Variants in SCEL observed in about 807,000 individuals in gnomAD.
SCEL encodes sciellin.
In SCEL, 113 loss-of-function variants were observed where a neutral mutation model predicts 117.6. That is an observed-to-expected ratio of 0.96 (90% CI 0.83 to 1.12). SCEL has a LOEUF of 1.12. Ranked by LOEUF, SCEL falls within the 50% of genes most tolerant of loss-of-function variation. The pLI is 0.00. For missense variants in SCEL, 785 were observed against 810.8 expected, an observed-to-expected ratio of 0.97 and a Z score of 0.39; for synonymous variants, 270 against 256.2, an observed-to-expected ratio of 1.05 and a Z score of -0.51.
At position 77,544,796 on chromosome 13, in the gene SCEL, T is replaced by C. The variant is rs186031587; in HGVS notation, c.-20+8972T>C. Among the ~76,000 whole-genome samples, 546 of 152,292 alleles carry C rather than the reference T, an allele frequency of 3.6e-3. 1 individual carries two copies. The highest frequency in any genetic ancestry group is 5.6e-3 in the Non-Finnish European group (378 of 68,010). ...AATAGGAGATGCTGATAGTTTCAAA[T>C]GCATACAAAAAGAGCTACGAAAGTT... On this transcript the variant is annotated intron_variant, in intron 1 of 32. Transcript: ENST00000349847.
chr13:77,604,510 C>A (rs1377281282), intron 19 of SCEL, 95 bp downstream of exon 19: 6 of 946,422 alleles, frequency 6.3e-6, no homozygotes, highest in Non-Finnish European at 9.2e-6. Flanking sequence ...AATTGGAATT[C>A]AGGCCAAAAC....
At chr13:77,613,070 A>G in intron 23 of SCEL, 129 bp downstream of exon 23, 1 of 591,548 alleles carries the variant, frequency 1.7e-6, no homozygotes, top group Non-Finnish European at 3.0e-6. Context: ...GTTGATGTGT[A>G]ATAATGCTGG....
At chr13:77,579,072 TA>T (rs1378981264) in intron 9 of SCEL, among the ~76,000 whole-genome samples, 3 of 152,128 alleles carry the variant, frequency 2.0e-5, no homozygotes, top group African/African-American at 7.2e-5. Context: ...GAGAGGTAGG[TA>T]GGGTGAAGGC....
chr13:77,559,510 AAACACAACACAACACAACAC>A (rs5804911), intron 3 of SCEL, among the ~76,000 whole-genome samples: 1 of 151,174 alleles, frequency 6.6e-6, no homozygotes, highest in Non-Finnish European at 1.5e-5. Flanking sequence ...CAGTCTGATA[AAACACAACACAACACAACAC>A]AACACAACAC....
chr13:77,601,126 T>TC (rs967111804), intron 15 of SCEL, among the ~76,000 whole-genome samples: 1 of 152,014 alleles, frequency 6.6e-6, no homozygotes, highest in African/African-American at 2.4e-5. Flanking sequence ...TTTTTTTTTT[T>TC]TTTGTACATG....
chr13:77,639,911 G>A (rs9593247), intron 30 of SCEL, among the ~76,000 whole-genome samples: 76,583 of 151,920 alleles, frequency 0.5, 20,832 homozygotes, highest in Non-Finnish European at 0.61. Flanking sequence ...AAAAGGAAAA[G>A]GATCCTTTCT....
chr13:77,601,173 A>G (rs1240887412), intron 15 of SCEL, among the ~76,000 whole-genome samples: 1 of 150,712 alleles, frequency 6.6e-6, no homozygotes, highest in Non-Finnish European at 1.5e-5. Flanking sequence ...GAGGTTCCAG[A>G]TATTTTTCAA....
Position 77,604,415 on chromosome 13 carries a change from G to A in SCEL, c.1157G>A (p.Arg386Lys), listed in dbSNP as rs2274016. 0.097 allele frequency: 151,618 copies of A among 1,570,148 alleles called. 13,245 individuals are homozygous for A. The highest frequency in any genetic ancestry group is 0.54 in the East Asian group (23,118 of 42,674). Residue 386 changes from arginine to lysine, a missense_variant and splice_region_variant, in exon 19 of 33, where the codon AGG becomes AAG. Physicochemically the swap from Arg to Lys is conservative, Grantham distance 26. Coordinates refer to ENST00000349847, the MANE Select transcript of SCEL (RefSeq NM_144777.3). The stretch of plus-strand genomic sequence containing the variant: ...CCTGAAACAAATAAAAATATTACGA[G>A]GTAAGACATTTAAAGCTCCCCCCTC... ...VDPETNKNIT[R>K]GQSLDNLIKV...
rs537252479 is a variant in SCEL, at chr13:77,643,487, C to T, written c.2050+679C>T. ...TGACTGGTTTTTAAAAGCTACTATC[C>T]GCATTTTCCTTTTAGATTCAATAGT... On this transcript the variant is annotated intron_variant, in intron 32 of 32. Coordinates refer to ENST00000349847, the MANE Select transcript of SCEL (RefSeq NM_144777.3). 1.4e-4 allele frequency among the ~76,000 whole-genome samples: 21 copies of T among 152,118 alleles called. No homozygotes were observed. In the South Asian group the frequency reaches 2.3e-3, roughly 17 times the overall value.
chr13:77,599,338 T>A lies in SCEL; in HGVS notation c.807T>A (p.Gly269=), dbSNP rs755070308. Residue 269 remains glycine, a synonymous_variant, in exon 14 of 33, where the codon GGT becomes GGA. Coordinates refer to ENST00000349847, the MANE Select transcript of SCEL (RefSeq NM_144777.3). ...KMNKSLNRNQ[G]LDSLFRANPK... is the part of the protein sequence containing the mutation. ...ATCAATACATTTAAAGGAATCAAGG[T>A]CTTGATAGTCTCTTCAGAGCAAATC... 1 of 1,610,790 alleles carries A rather than the reference T, an allele frequency of 6.2e-7. No individual in the cohort carries two copies. The highest frequency in any genetic ancestry group is 8.5e-7 in the Non-Finnish European group (1 of 1,178,104).
rs1218632684 is a variant in SCEL, at chr13:77,608,125, A to G, written c.1217+10A>G. On this transcript the variant is annotated intron_variant, in intron 20 of 32. Transcript: ENST00000349847. ...AGAGAAGTAACCAAGGGTGAGGACTATGTCTTACCTCTCTTCCTTCCCCTT... is the reference window on the plus strand; with the variant it reads ...AGAGAAGTAACCAAGGGTGAGGACTGTGTCTTACCTCTCTTCCTTCCCCTT... 2 of 1,599,324 alleles carry G rather than the reference A, an allele frequency of 1.3e-6. No individual in the cohort carries two copies. The highest frequency in any genetic ancestry group is 1.7e-5 in the Admixed American group (1 of 58,880).
At chr13:77,544,313 T>C (rs1188045385) in intron 1 of SCEL, among the ~76,000 whole-genome samples, 1 of 152,228 alleles carries the variant, frequency 6.6e-6, no homozygotes, top group Non-Finnish European at 1.5e-5. Context: ...AGCCCTTCTT[T>C]AACCAATTTT....
In SCEL at chr13:77,597,675, A is replaced by G. The variant is rs1567397893; in HGVS notation, c.797+86A>G. 4 of 655,122 alleles carry G rather than the reference A, an allele frequency of 6.1e-6. No individual in the cohort carries two copies. The Admixed American group carries it at 1.4e-4, about 22-fold the overall frequency. 40.6% of individuals were successfully genotyped at this position (655,122 alleles called of 1,614,324 possible). A position where few individuals can be genotyped will look rare whatever the true frequency, so the allele number is the denominator to read the frequency against. On this transcript the variant is annotated intron_variant, in intron 13 of 32. Transcript: ENST00000349847. ...TTCCAGTCTTTGAGCGTGAGGACCC[A>G]CATACCAGGGTAGTCAAAAATATCC...
chr13:77,568,973 A>AAGAT (rs1263062024), intron 7 of SCEL, among the ~76,000 whole-genome samples: 1 of 152,218 alleles, frequency 6.6e-6, no homozygotes, highest in Non-Finnish European at 1.5e-5. Context: ...ATAGAGACTT[A>AAGAT]AGATGGTATG....
At chr13:77,614,037 G>T in intron 24 of SCEL, 82 bp downstream of exon 24, 2 of 1,126,214 alleles carry the variant, frequency 1.8e-6, no homozygotes, top group Non-Finnish European at 2.7e-6. Flanking sequence ...TTATTCTATG[G>T]GCAAATTGAA....
rs1027210747 is a variant in SCEL, at chr13:77,568,418, G to T, written c.398+85G>T. 7 of 768,466 alleles carry T rather than the reference G, an allele frequency of 9.1e-6. No homozygotes were observed. In the South Asian group the frequency reaches 9.5e-5, roughly 10 times the overall value. 47.6% of individuals were successfully genotyped at this position (768,466 alleles called of 1,614,324 possible). ...AAACCACCTCAGGCCAATTTTATTG[G>T]AATACAGCCATGCCCCTATTGCTCT... On this transcript the variant is annotated intron_variant, in intron 7 of 32. Transcript: ENST00000349847.
chr13:77,597,664 C>T (rs1213465729), intron 13 of SCEL, 75 bp downstream of exon 13: 6 of 743,046 alleles, frequency 8.1e-6, no homozygotes, highest in Non-Finnish European at 1.1e-5. Flanking sequence ...AGTCTTTGAG[C>T]GTGAGGACCC....
At chr13:77,593,295 T>TGTGCGCGCGCGC (rs796907419) in intron 11 of SCEL, among the ~76,000 whole-genome samples, 3,843 of 136,842 alleles carry the variant, frequency 0.028, 115 homozygotes, top group Admixed American at 0.079. Flanking sequence ...TGTGTGTGTG[T>TGTGCGCGCGCGC]GTCTGTGTGT....
intron 27 of SCEL, among the ~76,000 whole-genome samples, chr13:77,627,122 T>G (rs1326454055): frequency 6.6e-6 from 1 of 152,196 alleles, no homozygotes; most frequent in Non-Finnish European, 1.5e-5. Context: ...TGTGTTGATT[T>G]CCCTTGTTTC....
Sources: allele counts gnomAD v4.1 joint callset (sites outside exome capture counted in the v4.1 genomes callset), GRCh38; gene constraint gnomAD v4.1.1; transcripts MANE v1.5; gene names NCBI Gene and HGNC (gene_info 2026-07-23, HGNC 2026-07-21).